PCDH15: variants seen among roughly 807,000 people sequenced by gnomAD.
PCDH15 encodes the protein protocadherin-15.
A neutral mutation model predicts 178.5 loss-of-function variants in PCDH15; 129 were observed. The ratio of observed to expected loss-of-function variants is 0.72; its 90% CI spans 0.63 to 0.84. The LOEUF is 0.84. Among genes scored for constraint, PCDH15 ranks in the 40% least tolerant of loss-of-function variants. The pLI is 0.00. For synonymous variants in PCDH15, 800 were observed against 732.0 expected (o/e 1.09, Z -1.50); for missense variants, 2,230 against 2,099.9 (o/e 1.06, Z -1.21).
chr10:55,126,780 G>A (rs975073505), intron 2 of PCDH15, among the ~76,000 whole-genome samples: 3 of 151,882 alleles, frequency 2.0e-5, no homozygotes, highest in Non-Finnish European at 4.4e-5. Flanking sequence ...TCCTGTCTCA[G>A]AAAGATATAA....
intron 2 of PCDH15, among the ~76,000 whole-genome samples, chr10:55,503,729 A>G (rs1840703831): frequency 6.6e-6 from 1 of 151,434 alleles, no homozygotes; most frequent in Admixed American, 6.6e-5. Context: ...AGAAACCACC[A>G]CACACTTATG....
At chr10:54,689,050 G>T (rs1029776760) in intron 1 of PCDH15, among the ~76,000 whole-genome samples, 2 of 151,912 alleles carry the variant, frequency 1.3e-5, no homozygotes, top group Non-Finnish European at 1.5e-5. Flanking sequence ...GCTAAATTGG[G>T]TATCTGCTTT....
In PCDH15 at chr10:55,472,662, G is replaced by A. The variant is rs111991399; in HGVS notation, c.-156+154963C>T. Among the ~76,000 whole-genome samples, 995 of 152,192 alleles carry A rather than the reference G, an allele frequency of 6.5e-3. 16 individuals are homozygous for A. Among genetic ancestry groups the A allele is most frequent in the African/African-American group, 0.023 (938 of 41,562 alleles). On this transcript the variant is annotated intron_variant, in intron 2 of 5. Transcript: ENST00000613346. ...GCGCTAACTGCAAGCTCCACCTACC[G>A]GGTTCACGCCATTCTCCTGCCTCAT... is the stretch of plus-strand genomic sequence containing the variant.
intron 25 of PCDH15, among the ~76,000 whole-genome samples, chr10:53,919,570 G>C (rs183554606): frequency 1.3e-5 from 2 of 152,106 alleles, no homozygotes; most frequent in African/African-American, 4.8e-5. Context: ...AATGAGGCTT[G>C]GAGGGATTAA....
chr10:54,893,051 A>G (rs1172047993), intron 3 of PCDH15, among the ~76,000 whole-genome samples: 1 of 152,094 alleles, frequency 6.6e-6, no homozygotes, highest in Non-Finnish European at 1.5e-5. Context: ...TCATCCAAAG[A>G]TATTGGAATT....
At chr10:54,909,918 G>T (rs529686203) in intron 2 of PCDH15, among the ~76,000 whole-genome samples, 5 of 152,168 alleles carry the variant, frequency 3.3e-5, no homozygotes, top group Admixed American at 2.0e-4. Context: ...TCTCCAGGGG[G>T]GTCTCAGGGG....
intron 2 of PCDH15, among the ~76,000 whole-genome samples, chr10:55,333,856 CT>C (rs1401938926): frequency 1.3e-5 from 2 of 151,722 alleles, no homozygotes; most frequent in Non-Finnish European, 2.9e-5. Context: ...GGTTCTTTAG[CT>C]TTTGTATGGA....
chr10:55,472,404 T>C (rs990011904), intron 2 of PCDH15, among the ~76,000 whole-genome samples: 2 of 152,070 alleles, frequency 1.3e-5, no homozygotes, highest in African/African-American at 2.4e-5. Flanking sequence ...ATTTTCATTT[T>C]ATGTATGTTA....
intron 3 of PCDH15, among the ~76,000 whole-genome samples, chr10:54,485,789 T>C (rs1481983979): frequency 6.6e-6 from 1 of 152,030 alleles, no homozygotes; most frequent in Non-Finnish European, 1.5e-5. Flanking sequence ...CATTGAGTTC[T>C]GAAACAAGAC....
At chr10:55,602,669 C>T (rs1348192401) in intron 2 of PCDH15, among the ~76,000 whole-genome samples, 1 of 152,132 alleles carries the variant, frequency 6.6e-6, no homozygotes, top group African/African-American at 2.4e-5. Context: ...AGACCTGCAG[C>T]TGAGGGTCCT....
At chr10:54,027,820 C>T (rs1007165876) in intron 18 of PCDH15, among the ~76,000 whole-genome samples, 28 of 138,968 alleles carry the variant, frequency 2.0e-4, no homozygotes, top group Non-Finnish European at 6.2e-5. Flanking sequence ...AAACGTTAGA[C>T]CTAAAACCAT....
chr10:54,460,218 T>C (rs2077085547), intron 3 of PCDH15, among the ~76,000 whole-genome samples: 1 of 152,112 alleles, frequency 6.6e-6, no homozygotes, highest in Non-Finnish European at 1.5e-5. Flanking sequence ...TTCATTTATT[T>C]ATTTGATAAA....
At chr10:54,476,977 C>T (rs1235959483) in intron 3 of PCDH15, among the ~76,000 whole-genome samples, 1 of 152,088 alleles carries the variant, frequency 6.6e-6, no homozygotes, top group African/African-American at 2.4e-5. Flanking sequence ...AATTTCTGTT[C>T]CAACTTCCTT....
chr10:55,622,987 G>C (rs1837438398), intron 2 of PCDH15, among the ~76,000 whole-genome samples: 1 of 152,148 alleles, frequency 6.6e-6, no homozygotes, highest in Non-Finnish European at 1.5e-5. Flanking sequence ...ACATGTGTTT[G>C]ACATTTCTGA....
chr10:54,711,899 T>C lies in PCDH15; in HGVS notation c.-28-47609A>G, dbSNP rs1331724268. Among the ~76,000 whole-genome samples, 6 of 152,080 alleles carry C rather than the reference T, an allele frequency of 3.9e-5. No homozygotes were observed. In the East Asian group the frequency reaches 7.7e-4, roughly 20 times the overall value. On this transcript the variant is annotated intron_variant, in intron 1 of 37. Coordinates refer to ENST00000644397, the MANE Select transcript of PCDH15 (RefSeq NM_001384140.1). ...TTTGCAATGTATAATATCTTCTATTTCTATAATTATCATGGATTAACTTCC... is the reference window on the plus strand; with the variant it reads ...TTTGCAATGTATAATATCTTCTATTCCTATAATTATCATGGATTAACTTCC...
In PCDH15 at chr10:55,360,482, A is replaced by G. The variant is rs925030979; in HGVS notation, c.-155-193831T>C. On this transcript the variant is annotated intron_variant, in intron 2 of 5. Transcript: ENST00000613346. ...CACAGAATGGGAGGAAAAAAATTGT[A>G]TATCTAGGAAACATATGTAACAACA... Among the ~76,000 whole-genome samples, 7 of 152,032 alleles carry G rather than the reference A, an allele frequency of 4.6e-5. No homozygotes were observed. The South Asian group carries it at 8.3e-4, about 18-fold the overall frequency.
In PCDH15 at chr10:55,240,437, A is replaced by C. The variant is rs76822115; in HGVS notation, c.-155-73786T>G. Among the ~76,000 whole-genome samples, 112 of 152,318 alleles carry C rather than the reference A, an allele frequency of 7.4e-4. 3 individuals are homozygous for C. The East Asian group carries it at 0.02, about 27-fold the overall frequency. The stretch of plus-strand genomic sequence containing the variant: ...AAATTAAATAATTATGCATGCTAAA[A>C]TATAAACTGCTGTTATTATTTTCAG... On this transcript the variant is annotated intron_variant, in intron 1 of 5. Coordinates refer to the PCDH15 transcript ENST00000458638.
At chr10:54,729,200 T>A (rs955535446) in intron 1 of PCDH15, among the ~76,000 whole-genome samples, 1 of 151,642 alleles carries the variant, frequency 6.6e-6, no homozygotes, top group Admixed American at 6.6e-5. Flanking sequence ...CAGAACAGCA[T>A]GATACTGGTA....
At chr10:53,936,547 A>T (rs1004810900) in intron 25 of PCDH15, among the ~76,000 whole-genome samples, 1 of 152,160 alleles carries the variant, frequency 6.6e-6, no homozygotes, top group Non-Finnish European at 1.5e-5. Flanking sequence ...TCACCGTAAT[A>T]TTCTCTGTAA....
Sources: allele counts gnomAD v4.1 joint callset (sites outside exome capture counted in the v4.1 genomes callset), GRCh38; gene constraint gnomAD v4.1.1; transcripts MANE v1.5; gene names NCBI Gene and HGNC (gene_info 2026-07-23, HGNC 2026-07-21).